Variants in UNC13C observed in about 807,000 individuals in gnomAD.
The protein encoded by UNC13C is unc-13 homolog C, also known as protein unc-13 homolog C.
A neutral mutation model predicts 245.4 loss-of-function variants in UNC13C; 174 were observed. That is an observed-to-expected ratio of 0.71 (90% CI 0.63 to 0.80). The LOEUF (loss-of-function observed/expected upper bound fraction) is 0.80. Ranked by LOEUF, UNC13C falls within the 30% of genes least tolerant of loss-of-function variation. The probability of loss-of-function intolerance (pLI) is 0.00; values close to 1 mark genes in which losing one functional copy is unlikely to be tolerated. For missense variants in UNC13C, 2,829 were observed against 2,602.9 expected, an observed-to-expected ratio of 1.09 and a Z score of -1.89; for synonymous variants, 992 against 895.1, an observed-to-expected ratio of 1.11 and a Z score of -1.93.
At chr15:54,017,405 A>G (rs555343875) in intron 2 of UNC13C, among the ~76,000 whole-genome samples, 9 of 152,250 alleles carry the variant, frequency 5.9e-5, no homozygotes, top group Admixed American at 5.9e-4. Flanking sequence ...GATACAGGCC[A>G]GCAGTTTGAC....
At position 54,014,915 on chromosome 15, in the gene UNC13C, C is replaced by G; in HGVS notation, c.2012C>G (p.Ser671Cys). Residue 671 changes from serine (S) to cysteine (C), a missense_variant, in exon 2 of 33, where the codon TCC (serine) becomes TGC (cysteine). Ser to Cys is a moderately radical substitution (Grantham distance 112). Transcript: ENST00000260323. ...NQGADLGLDS[S>C]TQEGFDYETN... ...GGAGCTGATTTAGGCTTGGATTCAT[C>G]CACCCAGGAAGGTTTTGATTATGAA... 1 of 1,613,882 alleles carries G rather than the reference C, an allele frequency of 6.2e-7. No homozygotes were observed. Among genetic ancestry groups the G allele is most frequent in the Non-Finnish European group, 8.5e-7 (1 of 1,179,834 alleles).
At chr15:54,326,669 T>C (rs1240359039) in intron 14 of UNC13C, among the ~76,000 whole-genome samples, 3 of 150,798 alleles carry the variant, frequency 2.0e-5, no homozygotes, top group South Asian at 2.1e-4. Flanking sequence ...ACAGAGAGAG[T>C]GGAAGAGAGA....
chr15:54,449,313 T>C (rs1440100667), intron 19 of UNC13C, among the ~76,000 whole-genome samples: 1 of 152,196 alleles, frequency 6.6e-6, no homozygotes, highest in Non-Finnish European at 1.5e-5. Context: ...TGAATTTGAA[T>C]GTTGGCCTGC....
At chr15:54,205,220 C>T (rs2034668423) in intron 4 of UNC13C, among the ~76,000 whole-genome samples, 1 of 149,376 alleles carries the variant, frequency 6.7e-6, no homozygotes, top group African/African-American at 2.5e-5. Flanking sequence ...AAAAATCAAA[C>T]ATCCACTCCT....
At chr15:54,600,610 C>T (rs1206457334) in intron 30 of UNC13C, among the ~76,000 whole-genome samples, 1 of 151,820 alleles carries the variant, frequency 6.6e-6, no homozygotes, top group African/African-American at 2.4e-5. Flanking sequence ...TTTTTTGGTA[C>T]CTTATTTTTC....
At chr15:54,552,112 G>A (rs1409175848) in intron 28 of UNC13C, among the ~76,000 whole-genome samples, 1 of 149,546 alleles carries the variant, frequency 6.7e-6, no homozygotes, top group Non-Finnish European at 1.5e-5. Flanking sequence ...AAACAATGTG[G>A]GGAACTAATT....
At chr15:54,213,656 A>T (rs1478660229) in intron 4 of UNC13C, among the ~76,000 whole-genome samples, 1 of 152,096 alleles carries the variant, frequency 6.6e-6, no homozygotes, top group Admixed American at 6.6e-5. Context: ...GACCTTAAAG[A>T]CGCAAGTTGT....
At chr15:54,069,223 C>T (rs1317157956) in intron 2 of UNC13C, among the ~76,000 whole-genome samples, 10 of 152,148 alleles carry the variant, frequency 6.6e-5, no homozygotes, top group Admixed American at 6.5e-4. Flanking sequence ...GTTTAAGCAG[C>T]TCCAAGATGA....
chr15:54,421,740 C>A (rs2040649123), intron 19 of UNC13C, among the ~76,000 whole-genome samples: 1 of 152,058 alleles, frequency 6.6e-6, no homozygotes, highest in Non-Finnish European at 1.5e-5. Flanking sequence ...CAAGTAGAAA[C>A]TATCTTCTGT....
intron 19 of UNC13C, among the ~76,000 whole-genome samples, chr15:54,491,796 A>G (rs1485123978): frequency 1.2e-4 from 18 of 151,958 alleles, no homozygotes; most frequent in Admixed American, 1.2e-3. Context: ...AGGTCAGGAG[A>G]TCCAGACCAT....
chr15:54,057,773 A>G (rs1595783304), intron 2 of UNC13C, among the ~76,000 whole-genome samples: 1 of 152,224 alleles, frequency 6.6e-6, no homozygotes, highest in East Asian at 1.9e-4. Flanking sequence ...CTCAGACCAC[A>G]GTGCAATCAA....
chr15:54,587,411 A>G (rs1898550938), intron 30 of UNC13C, among the ~76,000 whole-genome samples: 1 of 152,244 alleles, frequency 6.6e-6, no homozygotes, highest in South Asian at 2.1e-4. Flanking sequence ...AGTTTTTAAA[A>G]ACCACCACCA....
At chr15:54,008,553 GTAGTTA>G (rs374670615) in intron 1 of UNC13C, among the ~76,000 whole-genome samples, 6 of 152,282 alleles carry the variant, frequency 3.9e-5, no homozygotes, top group African/African-American at 1.4e-4. Flanking sequence ...AAGACAATGT[GTAGTTA>G]TTTAACTAAA....
At chr15:53,918,220 G>C in the UNC13C span, among the ~76,000 whole-genome samples, 1 of 152,314 alleles carries the variant, frequency 6.6e-6, no homozygotes, top group African/African-American at 2.4e-5. Flanking sequence ...CAACAGGGAC[G>C]CAAATCCGTG....
At chr15:54,577,453 C>T (rs961728416) in intron 30 of UNC13C, among the ~76,000 whole-genome samples, 7 of 152,142 alleles carry the variant, frequency 4.6e-5, no homozygotes, top group African/African-American at 1.2e-4. Flanking sequence ...TCCCCCACTC[C>T]GCAGGAGGCT....
chr15:54,504,886 A>G (rs912603957), intron 22 of UNC13C, among the ~76,000 whole-genome samples: 5 of 152,128 alleles, frequency 3.3e-5, no homozygotes, highest in African/African-American at 1.2e-4. Context: ...GAAAAACACA[A>G]TGCCTTTGTC....
intron 2 of UNC13C, among the ~76,000 whole-genome samples, chr15:54,036,567 T>A (rs764434587): frequency 6.6e-5 from 10 of 152,208 alleles, no homozygotes; most frequent in Non-Finnish European, 1.2e-4. Context: ...CAGCTTTGAT[T>A]TCCACATACA....
intron 23 of UNC13C, among the ~76,000 whole-genome samples, chr15:54,507,914 T>C (rs1288332446): frequency 2.6e-5 from 4 of 151,844 alleles, no homozygotes; most frequent in Non-Finnish European, 5.9e-5. Context: ...AAAAACCAGT[T>C]TTTTCCCCCT....
intron 13 of UNC13C, among the ~76,000 whole-genome samples, chr15:54,306,040 G>A (rs1011092565): frequency 1.3e-5 from 2 of 151,998 alleles, no homozygotes; most frequent in African/African-American, 2.4e-5. Flanking sequence ...TCAGAATCTG[G>A]TAGTACACTA....
Sources: allele counts gnomAD v4.1 joint callset (sites outside exome capture counted in the v4.1 genomes callset), GRCh38; gene constraint gnomAD v4.1.1; transcripts MANE v1.5; gene names NCBI Gene and HGNC (gene_info 2026-07-23, HGNC 2026-07-21).